Variants in PAQR5 observed in about 807,000 individuals in gnomAD.
PAQR5 encodes the protein membrane progestin receptor gamma.
PAQR5 carries 20 observed loss-of-function variants against 34.5 expected under a neutral mutation model. The observed-to-expected ratio is 0.58, with a 90% CI of 0.41 to 0.84. The LOEUF (loss-of-function observed/expected upper bound fraction) is 0.84. PAQR5 is among the 40% of genes least tolerant of loss of function. The pLI is 0.00. For missense variants in PAQR5, 378 were observed against 412.7 expected, an observed-to-expected ratio of 0.92 and a Z score of 0.73; for synonymous variants, 131 against 155.6, an observed-to-expected ratio of 0.84 and a Z score of 1.18.
At chr15:69,351,742 G>T (rs546049318) in intron 2 of PAQR5, among the ~76,000 whole-genome samples, 1 of 152,194 alleles carries the variant, frequency 6.6e-6, no homozygotes, top group Non-Finnish European at 1.5e-5. Context: ...CTTACATAGA[G>T]GGTGAGAAAT....
At chr15:69,370,335 C>A (rs2055525675) in intron 3 of PAQR5, among the ~76,000 whole-genome samples, 1 of 152,128 alleles carries the variant, frequency 6.6e-6, no homozygotes, top group African/African-American at 2.4e-5. Flanking sequence ...TCTTGCCATG[C>A]TCTCATGATG....
At chr15:69,372,456 T>C (rs2055589573) in intron 3 of PAQR5, among the ~76,000 whole-genome samples, 1 of 152,120 alleles carries the variant, frequency 6.6e-6, no homozygotes, top group Non-Finnish European at 1.5e-5. Flanking sequence ...GGCAGGAGAA[T>C]CACTTGAATT....
intron 3 of PAQR5, among the ~76,000 whole-genome samples, chr15:69,364,929 G>T (rs2055355509): frequency 6.6e-6 from 1 of 151,758 alleles, no homozygotes; most frequent in Non-Finnish European, 1.5e-5. Flanking sequence ...GTAGAGATGG[G>T]GTTTCACTAT....
At chr15:69,394,582 T>C (rs1199911500) in intron 6 of PAQR5, among the ~76,000 whole-genome samples, 4 of 152,220 alleles carry the variant, frequency 2.6e-5, no homozygotes, top group African/African-American at 9.6e-5. Context: ...TTGTGTTGAA[T>C]CGACCCTTTC....
chr15:69,400,483 T>G (rs1162801049), intron 8 of PAQR5, among the ~76,000 whole-genome samples: 1 of 152,140 alleles, frequency 6.6e-6, no homozygotes, highest in South Asian at 2.1e-4. Context: ...TACTTGAGAC[T>G]GTGCTCAAGA....
At chr15:69,398,886 A>C (rs905195907) in intron 7 of PAQR5, among the ~76,000 whole-genome samples, 1 of 152,174 alleles carries the variant, frequency 6.6e-6, no homozygotes, top group Non-Finnish European at 1.5e-5. Flanking sequence ...TTGATGCTGG[A>C]ATCAGCCTGC....
rs574117561 is a variant in PAQR5 at position 69,335,423 on chromosome 15, G to T, written c.-276-1918G>T. 1.7e-4 allele frequency among the ~76,000 whole-genome samples: 25 copies of T among 150,374 alleles called. 1 individual carries two copies. The highest frequency in any genetic ancestry group is 6.9e-3 in the Middle Eastern group (2 of 290). On this transcript the variant is annotated intron_variant, in intron 1 of 8. Transcript: ENST00000395407. ...ACCACACCTGGCTAATTTTTTATTTGTAGTAGAGAAGGGGTTTCTCCATGT... is the reference window on the plus strand; with the variant it reads ...ACCACACCTGGCTAATTTTTTATTTTTAGTAGAGAAGGGGTTTCTCCATGT...
rs1182712901 is a variant in PAQR5 at position 69,390,849 on chromosome 15, A to G, written c.512+1069A>G. 2.0e-5 allele frequency among the ~76,000 whole-genome samples: 3 copies of G among 150,118 alleles called. No homozygotes were observed. In the East Asian group the frequency reaches 5.8e-4, roughly 29 times the overall value. ...CCACTGTTTTTTTTTTTTTTCTTTC[A>G]AGAAAACTCATGGGGGTGTGAGTGC... On this transcript the variant is annotated intron_variant, in intron 6 of 8. Transcript: ENST00000395407.
chr15:69,367,728 C>A (rs945504760), intron 3 of PAQR5, among the ~76,000 whole-genome samples: 43 of 152,296 alleles, frequency 2.8e-4, no homozygotes, highest in African/African-American at 1.0e-3. Flanking sequence ...AAGATTCGGG[C>A]ACAGAAAGTT....
At chr15:69,379,800 G>C in intron 3 of PAQR5, 83 bp from the exon 4 acceptor site, 1 of 1,512,804 alleles carries the variant, frequency 6.6e-7, no homozygotes, top group Non-Finnish European at 8.9e-7. Context: ...GGCACACAGA[G>C]CACGGCCTGG....
intron 3 of PAQR5, among the ~76,000 whole-genome samples, chr15:69,371,029 T>A (rs1043729294): frequency 1.3e-5 from 2 of 152,254 alleles, no homozygotes; most frequent in Non-Finnish European, 2.9e-5. Context: ...TAATTTATTT[T>A]ATTTCTTCAT....
chr15:69,321,212 A>T (rs989219973), intron 1 of PAQR5, among the ~76,000 whole-genome samples: 1 of 152,278 alleles, frequency 6.6e-6, no homozygotes, highest in East Asian at 1.9e-4. Flanking sequence ...ATAGGCATGC[A>T]ACATCTGAGT....
At chr15:69,336,883 T>C (rs2054526597) in intron 1 of PAQR5, among the ~76,000 whole-genome samples, 1 of 152,234 alleles carries the variant, frequency 6.6e-6, no homozygotes, top group South Asian at 2.1e-4. Flanking sequence ...AAAATTGTTG[T>C]ATGCCACAGA....
chr15:69,342,267 T>TTTATTATTA (rs144248170), intron 2 of PAQR5, among the ~76,000 whole-genome samples: 2 of 149,228 alleles, frequency 1.3e-5, no homozygotes, highest in African/African-American at 4.9e-5. Flanking sequence ...TGTTTGTTCT[T>TTTATTATTA]TTATTATTAT....
intron 2 of PAQR5, among the ~76,000 whole-genome samples, chr15:69,346,649 T>C (rs1160607537): frequency 6.7e-6 from 1 of 148,802 alleles, no homozygotes; most frequent in East Asian, 2.0e-4. Flanking sequence ...GAGTACACAA[T>C]TTTACTCTGT....
intron 1 of PAQR5, among the ~76,000 whole-genome samples, chr15:69,317,487 C>T (rs1017182689): frequency 5.9e-5 from 9 of 152,202 alleles, no homozygotes; most frequent in African/African-American, 2.2e-4. Context: ...GCCTTCTTCC[C>T]TCTGCCAGTT....
chr15:69,380,149 G>A (rs1437325713), intron 4 of PAQR5, 139 bp downstream of exon 4: 5 of 858,624 alleles, frequency 5.8e-6, no homozygotes, highest in African/African-American at 3.4e-5. Context: ...CGCGGGTGAA[G>A]GGAGTGTGTG....
At chr15:69,389,622 C>G in intron 5 of PAQR5, 32 bp from the exon 6 acceptor site, 1 of 1,613,462 alleles carries the variant, frequency 6.2e-7, no homozygotes, top group Non-Finnish European at 8.5e-7. Flanking sequence ...CAAGGCCTGG[C>G]TCCTCTCCCA....
intron 4 of PAQR5, chr15:69,382,730 A>G (rs1595918920): frequency 7.2e-6 from 1 of 138,838 alleles, no homozygotes; most frequent in African/African-American, 2.8e-5. Context: ...ATGTATGTAT[A>G]TGTGTATATA....
Sources: gnomAD v4.1 joint callset for allele counts (sites outside exome capture counted in the v4.1 genomes callset) on GRCh38, gnomAD v4.1.1 for gene constraint, MANE v1.5 for transcripts, NCBI Gene and HGNC (gene_info 2026-07-23, HGNC 2026-07-21) for gene names.